The following ARB2A variants were observed in gnomAD, a reference collection of about 807,000 sequenced individuals.
ARB2A encodes the protein ARB2 cotranscriptional regulator A, also known as cotranscriptional regulator ARB2A.
the ARB2A span, among the ~76,000 whole-genome samples, chr5:94,005,443 G>A: frequency 6.6e-6 from 1 of 152,158 alleles, no homozygotes; most frequent in African/African-American, 2.4e-5. Flanking sequence ...CCTGAACTCA[G>A]GCAATCCAGC....
the ARB2A span, among the ~76,000 whole-genome samples, chr5:94,053,803 G>A: frequency 3.3e-5 from 5 of 152,064 alleles, no homozygotes; most frequent in African/African-American, 9.7e-5. Context: ...GTCTCACTCC[G>A]TCACCTAGGC....
chr5:94,051,790 TCAGAG>T, the ARB2A span, among the ~76,000 whole-genome samples: 1 of 152,198 alleles, frequency 6.6e-6, no homozygotes, highest in African/African-American at 2.4e-5. Context: ...AGGACTCTCC[TCAGAG>T]CAAATATTAA....
the ARB2A span, among the ~76,000 whole-genome samples, chr5:93,971,388 C>G: frequency 1.3e-5 from 2 of 151,760 alleles, no homozygotes; most frequent in Admixed American, 1.3e-4. Flanking sequence ...GCCAACGTGG[C>G]AAAACCCTGT....
chr5:93,818,892 T>G, the ARB2A span, among the ~76,000 whole-genome samples: 1 of 152,172 alleles, frequency 6.6e-6, no homozygotes, highest in East Asian at 1.9e-4. Context: ...GTAAAAGAGT[T>G]AAGGTTTAAA....
the ARB2A span, among the ~76,000 whole-genome samples, chr5:93,688,714 TCTC>T: frequency 6.6e-6 from 1 of 152,202 alleles, no homozygotes; most frequent in Middle Eastern, 3.4e-3. Flanking sequence ...AACTCATCAT[TCTC>T]CTAAAAATAT....
At chr5:93,852,051 C>G in the ARB2A span, among the ~76,000 whole-genome samples, 2 of 152,194 alleles carry the variant, frequency 1.3e-5, no homozygotes, top group African/African-American at 4.8e-5. Flanking sequence ...AAGGGTTGAA[C>G]CAGTTTACAG....
the ARB2A span, among the ~76,000 whole-genome samples, chr5:93,707,597 C>T: frequency 5.1e-5 from 7 of 136,218 alleles, no homozygotes; most frequent in East Asian, 2.1e-4. Context: ...TTTTTTGAGA[C>T]GGAGTCTCAC....
the ARB2A span, among the ~76,000 whole-genome samples, chr5:93,968,239 A>G: frequency 6.6e-6 from 1 of 152,194 alleles, no homozygotes; most frequent in African/African-American, 2.4e-5. Context: ...CATCAGAACT[A>G]GACTCAGATA....
chr5:93,963,077 C>T, the ARB2A span, among the ~76,000 whole-genome samples: 3 of 151,868 alleles, frequency 2.0e-5, no homozygotes, highest in African/African-American at 7.2e-5. Context: ...AATAAATTAA[C>T]CTAATGCTCT....
the ARB2A span, among the ~76,000 whole-genome samples, chr5:93,950,572 G>A: frequency 6.6e-6 from 1 of 152,032 alleles, no homozygotes; most frequent in African/African-American, 2.4e-5. Flanking sequence ...GAACATGGGA[G>A]GTGAAGGTTG....
At chr5:93,681,353 T>C in the ARB2A span, among the ~76,000 whole-genome samples, 2 of 152,164 alleles carry the variant, frequency 1.3e-5, no homozygotes, top group Admixed American at 6.5e-5. Flanking sequence ...ATGTGGCCTA[T>C]AAATTAAACT....
the ARB2A span, among the ~76,000 whole-genome samples, chr5:93,847,910 A>G: frequency 5.3e-5 from 8 of 152,206 alleles, no homozygotes; most frequent in African/African-American, 1.9e-4. Context: ...TCTATCCTCC[A>G]TAGCACCTTG....
At chr5:93,797,787 T>C in the ARB2A span, among the ~76,000 whole-genome samples, 2 of 152,072 alleles carry the variant, frequency 1.3e-5, no homozygotes, top group East Asian at 1.9e-4. Context: ...ATAAGTGAAA[T>C]AGACATGGCA....
the ARB2A span, among the ~76,000 whole-genome samples, chr5:93,993,341 T>A: frequency 6.6e-6 from 1 of 152,118 alleles, no homozygotes; most frequent in Non-Finnish European, 1.5e-5. Context: ...TCTAACTATA[T>A]GCAATCCCAT....
At chr5:93,701,187 T>C in the ARB2A span, among the ~76,000 whole-genome samples, 3 of 152,334 alleles carry the variant, frequency 2.0e-5, no homozygotes, top group African/African-American at 7.2e-5. Flanking sequence ...TTATTGTTCA[T>C]AGAATAATTG....
the ARB2A span, among the ~76,000 whole-genome samples, chr5:93,796,536 T>C: frequency 5.3e-5 from 8 of 152,294 alleles, no homozygotes; most frequent in Non-Finnish European, 7.4e-5. Context: ...ATAATAAGTA[T>C]AAGTCACAGG....
chr5:94,097,550 G>A, the ARB2A span, among the ~76,000 whole-genome samples: 1 of 152,124 alleles, frequency 6.6e-6, no homozygotes, highest in Non-Finnish European at 1.5e-5. Context: ...AAAAATGGGA[G>A]TTTCCCCACG....
chr5:93,989,387 A>G, the ARB2A span, among the ~76,000 whole-genome samples: 1 of 152,146 alleles, frequency 6.6e-6, no homozygotes, highest in Non-Finnish European at 1.5e-5. Context: ...TAATATTACT[A>G]TTTTTATGCC....
chr5:93,690,372 G>A, the ARB2A span, among the ~76,000 whole-genome samples: 1 of 152,170 alleles, frequency 6.6e-6, no homozygotes, highest in Non-Finnish European at 1.5e-5. Flanking sequence ...GTGGGGGGAA[G>A]GGTGTCCGCC....
Sources: allele counts gnomAD v4.1 joint callset (sites outside exome capture counted in the v4.1 genomes callset), GRCh38; gene constraint gnomAD v4.1.1; transcripts MANE v1.5; gene names NCBI Gene and HGNC (gene_info 2026-07-23, HGNC 2026-07-21).